Variants in SENP1 observed in about 807,000 individuals in gnomAD.
The protein encoded by SENP1 is SUMO specific peptidase 1.
In SENP1, 21 loss-of-function variants were observed where a neutral mutation model predicts 93.0. The observed-to-expected ratio is 0.23, with a 90% CI of 0.16 to 0.33. The LOEUF (loss-of-function observed/expected upper bound fraction) is 0.33. Ranked by LOEUF, SENP1 falls within the 10% of genes least tolerant of loss-of-function variation. The pLI is 1.00. For synonymous variants in SENP1, 256 were observed against 259.6 expected (o/e 0.99, Z 0.13); for missense variants, 591 against 758.7 (o/e 0.78, Z 2.60).
At chr12:48,084,446 A>AGTTT (rs1555184403) in intron 5 of SENP1, among the ~76,000 whole-genome samples, 4 of 76,110 alleles carry the variant, frequency 5.3e-5, no homozygotes, top group Non-Finnish European at 7.5e-5. Context: ...ACTAATTTTG[A>AGTTT]GTTTTTTTTT....
Position 48,088,738 on chromosome 12 carries a change from C to CT in SENP1, c.380+62dup, listed in dbSNP as rs1945043718. The CT allele has an allele frequency of 2.7e-6, 4 of 1,463,758 alleles. No individual in the cohort carries two copies. In the South Asian group the frequency reaches 3.7e-5, roughly 14 times the overall value. 90.7% of individuals were successfully genotyped at this position (1,463,758 alleles called of 1,614,324 possible). A position where few individuals can be genotyped will look rare whatever the true frequency, so the allele number is the denominator to read the frequency against. On this transcript the variant is annotated intron_variant, in intron 5 of 17. Coordinates refer to ENST00000549518, the MANE Select transcript of SENP1 (RefSeq NM_001267594.2). ...AAATCCCAATGTAATAACTATCTAC[C>CT]TTTTAGTCACTTTCTCTTATGTCTG...
chr12:48,098,520 G>A (rs1474779010), intron 2 of SENP1, among the ~76,000 whole-genome samples: 2 of 151,862 alleles, frequency 1.3e-5, no homozygotes, highest in Admixed American at 6.6e-5. Flanking sequence ...GCGGGTACCT[G>A]TAATCCCAGC....
chr12:48,049,073 A>G lies in SENP1; in HGVS notation c.1467T>C (p.Ser489=), dbSNP rs775521043. The change falls in exon 14 of 18, where the codon AGT becomes AGC. Residue 489 remains serine (S), a synonymous_variant. Coordinates refer to ENST00000549518, the MANE Select transcript of SENP1 (RefSeq NM_001267594.2). ...MERSKEKGLP[S]VHAFNTFFFT... The stretch of plus-strand genomic sequence containing the variant: ...AGAAAAAGGTATTAAATGCATGCAC[A>G]CTTGGCAAGCCCTTCTCTTTACTTC... 3.7e-6 allele frequency: 6 copies of G among 1,613,674 alleles called. No homozygotes were observed. The Admixed American group carries it at 1.0e-4, about 27-fold the overall frequency.
intron 6 of SENP1, among the ~76,000 whole-genome samples, chr12:48,080,713 A>G (rs2137107861): frequency 6.6e-6 from 1 of 152,326 alleles, no homozygotes; most frequent in Non-Finnish European, 1.5e-5. Context: ...AATTTGTTGA[A>G]AGTCTGATAA....
intron 4 of SENP1, among the ~76,000 whole-genome samples, chr12:48,091,429 G>A (rs1203003409): frequency 6.6e-6 from 1 of 150,546 alleles, no homozygotes; most frequent in Non-Finnish European, 1.5e-5. Flanking sequence ...CAGCCTGGGC[G>A]ACAGAGCGAG....
intron 4 of SENP1, among the ~76,000 whole-genome samples, chr12:48,093,147 ACT>A (rs1178968275): frequency 6.6e-6 from 1 of 152,200 alleles, no homozygotes; most frequent in Non-Finnish European, 1.5e-5. Context: ...CTGTAAGAGC[ACT>A]CTGTAATCAA....
At position 48,088,872 on chromosome 12, in the gene SENP1, TG is replaced by T; in HGVS notation, c.308del (p.Pro103HisfsTer67). 1 of 1,605,142 alleles carries T rather than the reference TG, an allele frequency of 6.2e-7. No homozygotes were observed. Among genetic ancestry groups the T allele is most frequent in the Admixed American group, 1.7e-5 (1 of 58,588 alleles). On this transcript the variant is annotated frameshift_variant, in exon 5 of 18. Coordinates refer to ENST00000549518, the MANE Select transcript of SENP1 (RefSeq NM_001267594.2). LOFTEE classifies it high-confidence loss of function. ...ATTTTTGTAAAGATGAGCTTGACGA[TG>T]GGGTAGAATTTCTCCATTGGCCATT... is the stretch of plus-strand genomic sequence containing the variant. Reference protein sequence around the residue: ...SANGQWRNSTPSSSSSLQKSR... With the variant: ...SANGQWRNSTXSSSSSLQKSR...
intron 8 of SENP1, among the ~76,000 whole-genome samples, chr12:48,073,651 G>A (rs1943873850): frequency 6.6e-6 from 1 of 152,174 alleles, no homozygotes; most frequent in Admixed American, 6.5e-5. Flanking sequence ...GAATATTTCA[G>A]TTAGTTGAAA....
At chr12:48,100,665 C>A (rs906189028) in intron 2 of SENP1, among the ~76,000 whole-genome samples, 1 of 151,412 alleles carries the variant, frequency 6.6e-6, no homozygotes, top group Admixed American at 6.6e-5. Context: ...AAAAAAAGAA[C>A]GAGAACTCTA....
intron 8 of SENP1, among the ~76,000 whole-genome samples, chr12:48,072,924 C>T (rs930656303): frequency 2.0e-5 from 3 of 150,988 alleles, no homozygotes; most frequent in African/African-American, 4.9e-5. Flanking sequence ...GGGGGAACTA[C>T]TGTAGTTCAT....
At chr12:48,051,575 T>C (rs569384648) in intron 13 of SENP1, among the ~76,000 whole-genome samples, 9 of 152,188 alleles carry the variant, frequency 5.9e-5, no homozygotes, top group Admixed American at 2.6e-4. Flanking sequence ...AAAATTGCCA[T>C]AGTTCAGCCA....
chr12:48,103,823 GTCTT>G (rs1253441602), intron 1 of SENP1, among the ~76,000 whole-genome samples: 1 of 152,160 alleles, frequency 6.6e-6, no homozygotes, highest in Non-Finnish European at 1.5e-5. Flanking sequence ...AAAGATCACA[GTCTT>G]GACAACTGCG....
At chr12:48,080,273 T>C (rs967879216) in intron 6 of SENP1, 1 of 152,212 alleles carries the variant, frequency 6.6e-6, no homozygotes, top group African/African-American at 2.4e-5. Context: ...TAACTAAATT[T>C]TCAATTTGAA....
rs1385977319 is a variant in SENP1, at chr12:48,049,019, C to T, written c.1521G>A (p.Gln507=). ...FFTKLKTAGY[Q]AVKRWTKKVD... is the part of the protein sequence containing the mutation. The stretch of plus-strand genomic sequence containing the variant: ...CTTTCTTTGTCCAACGTTTCACTGC[C>T]TGATAACCAGCCGTTTTTAATTTAG... Residue 507 remains glutamine (Q), a synonymous_variant, in exon 14 of 18, where the codon CAG becomes CAA. Coordinates refer to ENST00000549518, the MANE Select transcript of SENP1 (RefSeq NM_001267594.2). 6.2e-7 allele frequency: 1 copy of T among 1,613,642 alleles called. No homozygotes were observed. The highest frequency in any genetic ancestry group is 8.5e-7 in the Non-Finnish European group (1 of 1,179,750).
Position 48,063,803 on chromosome 12 carries a change from C to G in SENP1, c.1314G>C (p.Gly438=), listed in dbSNP as rs1425279768. 6.2e-7 allele frequency: 1 copy of G among 1,612,654 alleles called. No individual in the cohort carries two copies. Among genetic ancestry groups the G allele is most frequent in the South Asian group, 1.1e-5 (1 of 91,018 alleles). Residue 438 remains glycine, a synonymous_variant, in exon 13 of 18, where the codon GGG becomes GGC. Transcript: ENST00000549518. Reference sequence around the variant, plus strand: ...CTTCACTGAGAACTTCATCCTGATTCCCATTACGAAATACATTCTTTATTT... The same window carrying G: ...CTTCACTGAGAACTTCATCCTGATTGCCATTACGAAATACATTCTTTATTT... The part of the protein sequence containing the change: ...EKEIKNVFRN[G]NQDEVLSEAF...
At chr12:48,067,228 T>G (rs926412882) in intron 9 of SENP1, among the ~76,000 whole-genome samples, 7 of 152,226 alleles carry the variant, frequency 4.6e-5, no homozygotes, top group African/African-American at 1.7e-4. Context: ...GATACTACAT[T>G]TGGCATAGCT....
Position 48,093,943 on chromosome 12 carries a change from C to A in SENP1, c.220+2400G>T, listed in dbSNP as rs556360965. ...TGCCACTGCACTCCAGCCTGGGCAA[C>A]AGAGTGAGACCCTGTCTCAAAAAAA... On this transcript the variant is annotated intron_variant, in intron 4 of 17. Coordinates refer to ENST00000549518, the MANE Select transcript of SENP1 (RefSeq NM_001267594.2). 1.2e-4 allele frequency among the ~76,000 whole-genome samples: 18 copies of A among 152,106 alleles called. No homozygotes were observed. The South Asian group carries it at 3.7e-3, about 32-fold the overall frequency.
Position 48,101,581 on chromosome 12 carries a change from A to G in SENP1, c.-44-65T>C, listed in dbSNP as rs974937351. Reference sequence around the variant, plus strand: ...AACACCTACTTCACTTAATTTTAGAAGGTGCAGCCACTAGAAGTGACATTT... The same window carrying G: ...AACACCTACTTCACTTAATTTTAGAGGGTGCAGCCACTAGAAGTGACATTT... On this transcript the variant is annotated intron_variant, in intron 1 of 17. Transcript: ENST00000549518. 4 of 823,564 alleles carry G rather than the reference A, an allele frequency of 4.9e-6. No homozygotes were observed. The African/African-American group carries it at 7.0e-5, about 14-fold the overall frequency. The allele number at this position is 823,564 out of a possible 1,614,324, so 51.0% of individuals were successfully genotyped here.
At chr12:48,069,152 CAAAAAAAA>C (rs10564674) in intron 9 of SENP1, among the ~76,000 whole-genome samples, 27 of 76,346 alleles carry the variant, frequency 3.5e-4, no homozygotes, top group Admixed American at 1.3e-3. Flanking sequence ...GACTCTGTCA[CAAAAAAAA>C]AAAAAAAAAA....
Sources: gnomAD v4.1 joint callset for allele counts (sites outside exome capture counted in the v4.1 genomes callset) on GRCh38, gnomAD v4.1.1 for gene constraint, MANE v1.5 for transcripts, NCBI Gene and HGNC (gene_info 2026-07-23, HGNC 2026-07-21) for gene names.